RANBP2: variants seen among roughly 807,000 people sequenced by gnomAD.
RANBP2 encodes RAN binding protein 2, also known as E3 SUMO-protein ligase RanBP2.
Under a neutral mutation model 303.6 loss-of-function variants are expected in RANBP2, and 57 were observed. The observed-to-expected ratio is 0.19, with a 90% CI of 0.15 to 0.23. RANBP2 has a LOEUF of 0.23. RANBP2 is among the 10% of genes least tolerant of loss of function. The pLI is 1.00. For missense variants in RANBP2, 3,138 were observed against 3,780.8 expected (o/e 0.83, Z 4.46); for synonymous variants, 1,167 against 1,301.5 (o/e 0.90, Z 2.23).
chr2:108,804,752 T>C, the RANBP2 span: 1 of 639,584 alleles, frequency 1.6e-6, no homozygotes, highest in Non-Finnish European at 2.4e-6. Flanking sequence ...GCCACACTAG[T>C]CACTTGTGCT....
the RANBP2 span, among the ~76,000 whole-genome samples, chr2:108,907,412 G>A: frequency 3.3e-5 from 5 of 152,104 alleles, no homozygotes; most frequent in Admixed American, 6.5e-5. Flanking sequence ...TTGGAAGGCC[G>A]AGGCGGGTGG....
At chr2:109,327,932 A>T in the RANBP2 span, among the ~76,000 whole-genome samples, 1 of 152,212 alleles carries the variant, frequency 6.6e-6, no homozygotes, top group Admixed American at 6.5e-5. Flanking sequence ...ATACACAATC[A>T]TGGAGGGTCT....
the RANBP2 span, among the ~76,000 whole-genome samples, chr2:109,289,995 T>C: frequency 1.3e-5 from 2 of 152,174 alleles, no homozygotes; most frequent in African/African-American, 2.4e-5. Flanking sequence ...AACAGACCAC[T>C]GGGGGGACCT....
the RANBP2 span, among the ~76,000 whole-genome samples, chr2:109,525,728 G>A: frequency 6.6e-6 from 1 of 152,102 alleles, no homozygotes; most frequent in Non-Finnish European, 1.5e-5. Flanking sequence ...TGGCCCTCTG[G>A]CCACTGTCCT....
At chr2:109,196,258 G>A in the RANBP2 span, among the ~76,000 whole-genome samples, 1 of 152,198 alleles carries the variant, frequency 6.6e-6, no homozygotes, top group Admixed American at 6.5e-5. Flanking sequence ...TCCTGCATCC[G>A]CTGCTCTCCT....
chr2:109,190,374 A>G, the RANBP2 span, among the ~76,000 whole-genome samples: 4 of 152,348 alleles, frequency 2.6e-5, no homozygotes, highest in East Asian at 7.7e-4. Flanking sequence ...GGGTTTCGCC[A>G]TGTTGGCCAG....
the RANBP2 span, among the ~76,000 whole-genome samples, chr2:109,204,075 C>G: frequency 2.0e-5 from 3 of 152,194 alleles, no homozygotes; most frequent in Non-Finnish European, 4.4e-5. Flanking sequence ...ATTTGCACCT[C>G]CTGCCCACTG....
chr2:109,678,220 A>G, the RANBP2 span, among the ~76,000 whole-genome samples: 1 of 152,264 alleles, frequency 6.6e-6, no homozygotes, highest in South Asian at 2.1e-4. Context: ...CTCAGATTAT[A>G]TAATTTTTTA....
the RANBP2 span, among the ~76,000 whole-genome samples, chr2:109,393,732 C>T: frequency 2.0e-5 from 3 of 152,046 alleles, no homozygotes; most frequent in African/African-American, 7.3e-5. Flanking sequence ...GCTCTTCCTC[C>T]ACTCTGGGTC....
chr2:109,541,102 A>G, the RANBP2 span, among the ~76,000 whole-genome samples: 3 of 152,110 alleles, frequency 2.0e-5, no homozygotes, highest in African/African-American at 7.2e-5. Flanking sequence ...CAGTTTTCCT[A>G]TTAGCCTGGA....
At chr2:108,944,812 G>T in the RANBP2 span, among the ~76,000 whole-genome samples, 1 of 152,202 alleles carries the variant, frequency 6.6e-6, no homozygotes, top group African/African-American at 2.4e-5. Flanking sequence ...CTGAGCCAGA[G>T]AGCTGACCGC....
At chr2:109,479,648 G>A in the RANBP2 span, among the ~76,000 whole-genome samples, 2 of 152,100 alleles carry the variant, frequency 1.3e-5, no homozygotes, top group Non-Finnish European at 2.9e-5. Context: ...TACTCCCACA[G>A]ACAGAGCCCT....
the RANBP2 span, among the ~76,000 whole-genome samples, chr2:108,825,753 A>G: frequency 2.6e-5 from 4 of 152,162 alleles, no homozygotes; most frequent in African/African-American, 7.2e-5. Context: ...TGGTGTTGCT[A>G]TGAACATTTA....
At chr2:109,565,671 C>A in the RANBP2 span, 2 of 1,122,254 alleles carry the variant, frequency 1.8e-6, no homozygotes, top group Non-Finnish European at 2.7e-6. Context: ...CCAATCACAT[C>A]CAAACTAAGC....
At chr2:109,513,276 C>T in the RANBP2 span, among the ~76,000 whole-genome samples, 1 of 152,052 alleles carries the variant, frequency 6.6e-6, no homozygotes, top group African/African-American at 2.4e-5. Context: ...ACACACATCC[C>T]ACATGCACAC....
the RANBP2 span, among the ~76,000 whole-genome samples, chr2:109,663,490 TC>T: frequency 6.6e-6 from 1 of 152,206 alleles, no homozygotes; most frequent in African/African-American, 2.4e-5. Context: ...TTGGCTTCTT[TC>T]TAGTGTATAC....
chr2:109,170,244 T>TTTCTTTTCTC, the RANBP2 span, among the ~76,000 whole-genome samples: 1 of 32,966 alleles, frequency 3.0e-5, no homozygotes, highest in Non-Finnish European at 6.4e-5. Context: ...CTTCTTTTCT[T>TTTCTTTTCTC]TTCTCTTCTC....
the RANBP2 span, among the ~76,000 whole-genome samples, chr2:109,170,207 TTCTC>T: frequency 7.2e-5 from 11 of 151,774 alleles, no homozygotes; most frequent in East Asian, 3.9e-4. Context: ...GATGTTTTCT[TTCTC>T]TCTCTTTTTT....
the RANBP2 span, chr2:109,490,989 G>T: frequency 7.2e-7 from 1 of 1,388,614 alleles, no homozygotes; most frequent in Non-Finnish European, 9.4e-7. Flanking sequence ...GGCCTCTGAG[G>T]TCTGGAGCCA....
Sources: gnomAD v4.1 joint callset for allele counts (sites outside exome capture counted in the v4.1 genomes callset) on GRCh38, gnomAD v4.1.1 for gene constraint, MANE v1.5 for transcripts, NCBI Gene and HGNC (gene_info 2026-07-23, HGNC 2026-07-21) for gene names.